The following GSE1 variants were observed in gnomAD, a reference collection of about 807,000 sequenced individuals.
GSE1 encodes the protein genetic suppressor element 1.
A neutral mutation model predicts 112.6 loss-of-function variants in GSE1; 32 were observed. That is an observed-to-expected ratio of 0.28 (90% CI 0.21 to 0.38). The LOEUF is 0.38. GSE1 is among the 10% of genes least tolerant of loss of function. GSE1 has a pLI of 1.00. For synonymous variants in GSE1, 1,115 were observed against 735.6 expected, an observed-to-expected ratio of 1.52 and a Z score of -8.35; for missense variants, 2,348 against 1,699.2, an observed-to-expected ratio of 1.38 and a Z score of -6.71.
chr16:85,622,815 C>CCT (rs2048824864), intron 1 of GSE1, among the ~76,000 whole-genome samples: 1 of 152,206 alleles, frequency 6.6e-6, no homozygotes, highest in Non-Finnish European at 1.5e-5. Flanking sequence ...TTCTGTTACA[C>CCT]CCTCATGGAG....
At chr16:85,331,130 A>C (rs895320254) in intron 1 of GSE1, among the ~76,000 whole-genome samples, 3 of 151,058 alleles carry the variant, frequency 2.0e-5, no homozygotes, top group Non-Finnish European at 2.9e-5. Context: ...TATTGTTATT[A>C]TTTATTTTTT....
chr16:85,515,429 T>TC (rs1457956519), intron 2 of GSE1, among the ~76,000 whole-genome samples: 2 of 152,206 alleles, frequency 1.3e-5, no homozygotes, highest in Non-Finnish European at 2.9e-5. Context: ...AACTGCTTCT[T>TC]TAGCTTCGGG....
intron 2 of GSE1, among the ~76,000 whole-genome samples, chr16:85,514,682 T>A: frequency 6.6e-6 from 1 of 152,110 alleles, no homozygotes; most frequent in East Asian, 1.9e-4. Flanking sequence ...CAGAAACCTC[T>A]CATTCCAGGA....
At position 85,419,767 on chromosome 16, in the gene GSE1, C is replaced by G. The variant is rs547162986; in HGVS notation, c.2464+62124C>G. 1.3e-5 allele frequency among the ~76,000 whole-genome samples: 2 copies of G among 151,972 alleles called. No individual in the cohort carries two copies. The highest frequency in any genetic ancestry group is 2.9e-5 in the Non-Finnish European group (2 of 67,974). On this transcript the variant is annotated intron_variant, in intron 2 of 2. Transcript: ENST00000637419. The surrounding 1 kb of genome is among the most constrained non-coding windows in gnomAD (Gnocchi z 6.5). ...TGATGCCTGCCTCCCCCGCCCCGCC[C>G]CCACCCCTCCAAGACTCTGATGGAA...
chr16:85,473,419 C>T (rs1212869573), intron 2 of GSE1, among the ~76,000 whole-genome samples: 1 of 152,144 alleles, frequency 6.6e-6, no homozygotes, highest in Non-Finnish European at 1.5e-5. Flanking sequence ...AACTGAGGGG[C>T]TTAAAACCAC....
At chr16:85,229,203 G>A (rs905316382) in intron 1 of GSE1, among the ~76,000 whole-genome samples, 5 of 152,190 alleles carry the variant, frequency 3.3e-5, no homozygotes, top group Admixed American at 2.0e-4. Context: ...CGGCACCAGC[G>A]GCCTGGCCTG....
chr16:85,374,543 TGCGC>T (rs67092141), intron 2 of GSE1, among the ~76,000 whole-genome samples: 8,617 of 147,926 alleles, frequency 0.058, 312 homozygotes, highest in South Asian at 0.088. Context: ...TGTGTGTGTG[TGCGC>T]GCGCGCGTGC....
intron 2 of GSE1, among the ~76,000 whole-genome samples, chr16:85,472,518 C>T (rs902991807): frequency 2.6e-5 from 4 of 152,214 alleles, no homozygotes; most frequent in Non-Finnish European, 5.9e-5. Context: ...CCCGTGTGGC[C>T]TCATCTTACC....
At chr16:85,236,233 A>C (rs1465146341) in intron 1 of GSE1, among the ~76,000 whole-genome samples, 1 of 152,008 alleles carries the variant, frequency 6.6e-6, no homozygotes, top group Non-Finnish European at 1.5e-5. Flanking sequence ...TGAGGCCCGG[A>C]GGGGTGAAGG....
intron 1 of GSE1, among the ~76,000 whole-genome samples, chr16:85,557,129 C>T (rs1329527416): frequency 2.0e-5 from 3 of 152,082 alleles, no homozygotes; most frequent in Non-Finnish European, 2.9e-5. Flanking sequence ...GTGTAGGCTA[C>T]ATGGAAGCTG....
intron 15 of GSE1, 191 bp from the exon 16 acceptor site, chr16:85,672,214 C>G (rs1044780143): frequency 1.7e-6 from 1 of 590,298 alleles, no homozygotes; most frequent in East Asian, 3.2e-5. Flanking sequence ...AGGCTGGTCT[C>G]GAACTCCTGA....
At chr16:85,411,119 G>A (rs1597664880) in intron 2 of GSE1, among the ~76,000 whole-genome samples, 1 of 116,046 alleles carries the variant, frequency 8.6e-6, no homozygotes, top group Non-Finnish European at 1.7e-5. Context: ...AGGCCCCCCG[G>A]ATAATCCTCA....
At chr16:85,587,140 A>C (rs1378928262) in intron 1 of GSE1, among the ~76,000 whole-genome samples, 1 of 149,180 alleles carries the variant, frequency 6.7e-6, no homozygotes, top group Non-Finnish European at 1.5e-5. Context: ...TGCTGGTCCC[A>C]GTGTGGGCGC....
rs972895823 is a variant in GSE1 at position 85,581,777 on chromosome 16, C to G, written c.37+25414C>G. 2.0e-5 allele frequency among the ~76,000 whole-genome samples: 3 copies of G among 152,142 alleles called. No individual in the cohort carries two copies. The East Asian group carries it at 5.8e-4, about 29-fold the overall frequency. Reference sequence around the variant, plus strand: ...CCCTTCCTTGAGAGGAGGGCTGCATCAGGCACGAGTGGATGGGGTCTACAC... The same window carrying G: ...CCCTTCCTTGAGAGGAGGGCTGCATGAGGCACGAGTGGATGGGGTCTACAC... On this transcript the variant is annotated intron_variant, in intron 1 of 2. Coordinates refer to the GSE1 transcript ENST00000635906.
In GSE1 at chr16:85,582,624, T is replaced by C. The variant is rs1037461434; in HGVS notation, c.37+26261T>C. 7.2e-5 allele frequency among the ~76,000 whole-genome samples: 11 copies of C among 152,104 alleles called. No individual in the cohort carries two copies. The South Asian group carries it at 1.0e-3, about 14-fold the overall frequency. ...TGGCATCCCCAGAGCTGACACCCAG[T>C]TCCCCCTTACGCAGCCGCCTGGGGT... On this transcript the variant is annotated intron_variant, in intron 1 of 2. Coordinates refer to the GSE1 transcript ENST00000635906.
intron 2 of GSE1, among the ~76,000 whole-genome samples, chr16:85,418,982 C>T (rs537180210): frequency 4.1e-4 from 63 of 152,208 alleles, no homozygotes; most frequent in Admixed American, 1.3e-3. Context: ...GTGGGAGAGG[C>T]GCTGGAGCTC....
intron 1 of GSE1, among the ~76,000 whole-genome samples, chr16:85,629,814 A>C (rs2049391431): frequency 6.6e-6 from 1 of 152,098 alleles, no homozygotes; most frequent in Non-Finnish European, 1.5e-5. Context: ...TTTCTGATGG[A>C]TTGAGGGGGC....
At position 85,668,144 on chromosome 16, in the gene GSE1, C is replaced by A; in HGVS notation, c.3135C>A (p.Ser1045Arg). ...TQKALQKHKG[S>R]VAVLSAEQNH... ...CAAGCCCTGTCCCCTCCACAGGGAG[C>A]GTGGCTGTGCTGTCTGCAGAGCAGA... Residue 1045 changes from serine (S) to arginine (R), a missense_variant, in exon 14 of 16, where the codon AGC (serine) becomes AGA (arginine). Physicochemically the swap from Ser to Arg is moderately radical, Grantham distance 110 (BLOSUM62 -1). Coordinates refer to ENST00000253458, the MANE Select transcript of GSE1 (RefSeq NM_014615.5). 6.4e-7 allele frequency: 1 copy of A among 1,573,502 alleles called. No homozygotes were observed. Among genetic ancestry groups the A allele is most frequent in the Non-Finnish European group, 8.6e-7 (1 of 1,156,406 alleles).
At chr16:85,532,954 C>G (rs545943301) in intron 2 of GSE1, among the ~76,000 whole-genome samples, 1 of 152,212 alleles carries the variant, frequency 6.6e-6, no homozygotes, top group African/African-American at 2.4e-5. Context: ...ACATGCCCCA[C>G]GTACTCCAAA....
Sources: gnomAD v4.1 joint callset for allele counts (sites outside exome capture counted in the v4.1 genomes callset) on GRCh38, gnomAD v4.1.1 for gene constraint, Gnocchi (gnomAD v3.1) non-coding constraint, MANE v1.5 for transcripts, NCBI Gene and HGNC (gene_info 2026-07-23, HGNC 2026-07-21) for gene names.